Variants in IFT74 observed in about 807,000 individuals in gnomAD.
IFT74 encodes the protein intraflagellar transport protein 74 homolog.
A neutral mutation model predicts 96.7 loss-of-function variants in IFT74; 92 were observed. The ratio of observed to expected loss-of-function variants is 0.95; its 90% CI spans 0.80 to 1.13. IFT74 has a LOEUF of 1.13. Ranked by LOEUF, IFT74 falls within the 50% of genes most tolerant of loss-of-function variation. The pLI, the probability that IFT74 is intolerant of heterozygous loss-of-function variation, is 0.00. For synonymous variants in IFT74, 223 were observed against 213.2 expected (o/e 1.05, Z -0.40); for missense variants, 811 against 698.2 (o/e 1.16, Z -1.82).
chr9:26,984,891 G>A (rs975776742), intron 6 of IFT74, among the ~76,000 whole-genome samples: 3 of 152,166 alleles, frequency 2.0e-5, no homozygotes, highest in African/African-American at 7.2e-5. Flanking sequence ...TGTGAAAGCA[G>A]TGTGGCGATT....
At chr9:26,995,573 CCAT>C in intron 8 of IFT74, 1 of 1,598,200 alleles carries the variant, frequency 6.3e-7, no homozygotes, top group Non-Finnish European at 8.6e-7. Flanking sequence ...TTCAATAAAT[CCAT>C]CATCATCTAC....
intron 7 of IFT74, 94 bp from the exon 8 acceptor site, chr9:26,990,040 A>T: frequency 1.7e-6 from 1 of 573,584 alleles, no homozygotes. Context: ...TAATTATAGT[A>T]ATTTCTCATT....
chr9:26,996,201 G>T, intron 8 of IFT74: 2 of 708,114 alleles, frequency 2.8e-6, no homozygotes, highest in African/African-American at 1.8e-5. Context: ...TAGTTGAGAT[G>T]AGGAATCTTT....
chr9:26,959,342 T>G (rs1395288618), intron 1 of IFT74, among the ~76,000 whole-genome samples: 1 of 152,010 alleles, frequency 6.6e-6, no homozygotes, highest in Admixed American at 6.6e-5. Context: ...ATCTCCTGAC[T>G]TCGTGATCCG....
chr9:26,990,319 A>T (rs2131553046), intron 8 of IFT74, 124 bp downstream of exon 8: 1 of 466,470 alleles, frequency 2.1e-6, no homozygotes. Context: ...TCATTTAAAA[A>T]TATTTACAAC....
intron 16 of IFT74, among the ~76,000 whole-genome samples, chr9:27,054,427 G>A (rs1820068936): frequency 6.6e-6 from 1 of 152,068 alleles, no homozygotes. Flanking sequence ...CCAGTTTATT[G>A]TAAATACTTA....
At chr9:26,966,561 A>G (rs12000403) in intron 2 of IFT74, among the ~76,000 whole-genome samples, 7,798 of 151,986 alleles carry the variant, frequency 0.051, 218 homozygotes, top group African/African-American at 0.072. Context: ...AGCACCTTAT[A>G]TATTCTGTTT....
At chr9:27,031,006 G>A (rs1830095555) in intron 13 of IFT74, among the ~76,000 whole-genome samples, 1 of 152,152 alleles carries the variant, frequency 6.6e-6, no homozygotes, top group African/African-American at 2.4e-5. Flanking sequence ...TTTAAATGGA[G>A]ATGAATCTTG....
chr9:26,970,645 A>T (rs1171607129), intron 2 of IFT74, among the ~76,000 whole-genome samples: 3 of 152,250 alleles, frequency 2.0e-5, no homozygotes, highest in African/African-American at 7.2e-5. Context: ...AACATTTACC[A>T]GGAAGAGATA....
chr9:26,972,318 C>T (rs1016517368), intron 2 of IFT74, among the ~76,000 whole-genome samples: 2 of 152,000 alleles, frequency 1.3e-5, no homozygotes, highest in Admixed American at 1.3e-4. Flanking sequence ...TATTTTCCTC[C>T]GAAGTTTAAC....
intron 13 of IFT74, among the ~76,000 whole-genome samples, chr9:27,044,101 G>A (rs1010467147): frequency 1.8e-4 from 28 of 151,964 alleles, no homozygotes; most frequent in African/African-American, 6.3e-4. Flanking sequence ...TCTCTGCCTC[G>A]GCCATACCAC....
At chr9:26,972,114 C>T (rs543474856) in intron 2 of IFT74, among the ~76,000 whole-genome samples, 1 of 152,302 alleles carries the variant, frequency 6.6e-6, no homozygotes, top group African/African-American at 2.4e-5. Context: ...TAGATCTAAA[C>T]ATGTGTGCTC....
chr9:26,955,782 C>A (rs1826062642), upstream of IFT74: 1 of 144,232 alleles, frequency 6.9e-6, no homozygotes. Flanking sequence ...AGGAAACATA[C>A]AGTAAAAGTT....
At chr9:26,972,588 C>T (rs1826926084) in intron 2 of IFT74, among the ~76,000 whole-genome samples, 1 of 152,148 alleles carries the variant, frequency 6.6e-6, no homozygotes, top group African/African-American at 2.4e-5. Flanking sequence ...TGAATTTTAT[C>T]GAAGTCCACA....
intron 13 of IFT74, among the ~76,000 whole-genome samples, chr9:27,038,172 G>T (rs1819288596): frequency 6.6e-6 from 1 of 152,222 alleles, no homozygotes; most frequent in African/African-American, 2.4e-5. Flanking sequence ...AAGACAGTCA[G>T]TGCATGTTGG....
At chr9:26,999,802 G>T in intron 8 of IFT74, 1 of 676,260 alleles carries the variant, frequency 1.5e-6, no homozygotes, top group Non-Finnish European at 2.2e-6. Context: ...GGCTGAGACA[G>T]GGTCTCACTC....
chr9:26,958,313 T>C (rs1214184659), intron 1 of IFT74, among the ~76,000 whole-genome samples: 1 of 152,142 alleles, frequency 6.6e-6, no homozygotes, highest in Non-Finnish European at 1.5e-5. Flanking sequence ...GCCTATACAC[T>C]GAAATTGAAG....
chr9:26,959,311 G>C (rs566495094), intron 1 of IFT74, among the ~76,000 whole-genome samples: 6 of 151,988 alleles, frequency 3.9e-5, no homozygotes, highest in Non-Finnish European at 7.4e-5. Flanking sequence ...GGGTTTCACC[G>C]TGTTAGCCAG....
At position 27,063,244 on chromosome 9, in the gene IFT74, CAT is replaced by C. The variant is rs1244645280; in HGVS notation, c.*513_*514del. On this transcript the variant is annotated 3_prime_UTR_variant, in exon 20 of 20. Coordinates refer to ENST00000380062, the MANE Select transcript of IFT74 (RefSeq NM_025103.4). ...TATAATGTCACAGGTAAATATATAA[CAT>C]ATATTCTTTATATAGCAGTTATACC... Among the ~76,000 whole-genome samples the C allele has an allele frequency of 2.0e-5, 3 of 152,028 alleles. No homozygotes were observed. Among genetic ancestry groups the C allele is most frequent in the African/African-American group, 7.2e-5 (3 of 41,398 alleles).
Sources: allele counts gnomAD v4.1 joint callset (sites outside exome capture counted in the v4.1 genomes callset), GRCh38; gene constraint gnomAD v4.1.1; transcripts MANE v1.5; gene names NCBI Gene and HGNC (gene_info 2026-07-23, HGNC 2026-07-21).